The following POLN variants were observed in gnomAD, a reference collection of about 807,000 sequenced individuals.
POLN encodes DNA polymerase nu, also known as DNA polymerase N.
In POLN, 108 loss-of-function variants were observed where a neutral mutation model predicts 113.5. The ratio of observed to expected loss-of-function variants is 0.95; its 90% confidence interval spans 0.81 to 1.12. The LOEUF is 1.12. Ranked by LOEUF, POLN falls within the 50% of genes most tolerant of loss-of-function variation. POLN has a pLI of 0.00. For missense variants in POLN, 1,097 were observed against 1,077.1 expected (o/e 1.02, Z -0.26); for synonymous variants, 386 against 391.5 (o/e 0.99, Z 0.17).
chr4:2,081,045 C>T lies in POLN; in HGVS notation c.2309-9G>A, dbSNP rs373830336. 4.3e-5 allele frequency: 70 copies of T among 1,613,364 alleles called. 1 individual carries two copies. Among genetic ancestry groups the T allele is most frequent in the East Asian group, 1.3e-4 (6 of 44,890 alleles). On this transcript the variant is annotated splice_polypyrimidine_tract_variant and intron_variant, in intron 22 of 25. Transcript: ENST00000511885. ...GAGGTCAGCAGCGGAGCCTATGGGG[C>T]GCGTGGTACTGTCTTGAGGTCCCAT...
chr4:2,127,449 T>C lies in POLN; in HGVS notation c.1982+664A>G, dbSNP rs1731611416. On this transcript the variant is annotated intron_variant, in intron 19 of 25. Coordinates refer to ENST00000511885, the MANE Select transcript of POLN (RefSeq NM_181808.4). The surrounding 1 kb of genome is among the most constrained non-coding windows in gnomAD (Gnocchi z 4.7). ...CTGCTCTAGAAAGTGGGTATAGCTG[T>C]TGTCTGCACCGGGCTCTCCAAGAGC... is the stretch of plus-strand genomic sequence containing the variant. Among the ~76,000 whole-genome samples the C allele has an allele frequency of 6.6e-6, 1 of 152,004 alleles. No homozygotes were observed. Among genetic ancestry groups the C allele is most frequent in the South Asian group, 2.1e-4 (1 of 4,818 alleles).
intron 6 of POLN, 108 bp from the exon 7 acceptor site, chr4:2,193,424 C>T (rs10011749): frequency 0.16 from 104,163 of 636,040 alleles, 14,201 homozygotes; most frequent in African/African-American, 0.54. Flanking sequence ...ATAGCACATA[C>T]ACACATTCAC....
intron 16 of POLN, among the ~76,000 whole-genome samples, chr4:2,140,365 C>T (rs1228827723): frequency 6.6e-6 from 1 of 152,210 alleles, no homozygotes; most frequent in East Asian, 1.9e-4. Context: ...GTGTGAGCCA[C>T]CGTGCCTGGC....
rs1731192457 is a variant in POLN, at chr4:2,111,482, T to C, written c.1983-15549A>G. 5.9e-5 allele frequency among the ~76,000 whole-genome samples: 9 copies of C among 152,330 alleles called. No homozygotes were observed. The South Asian group carries it at 1.9e-3, about 32-fold the overall frequency. On this transcript the variant is annotated intron_variant, in intron 19 of 25. Transcript: ENST00000511885. ...TTTGCAGATGACATGATTGTATATC[T>C]AGAAAACCCCATCGTCTCAGCCCAA...
At chr4:2,081,218 T>C (rs2108689433) in intron 22 of POLN, 182 bp from the exon 23 acceptor site, 3 of 1,548,272 alleles carry the variant, frequency 1.9e-6, no homozygotes, top group Non-Finnish European at 1.7e-6. Context: ...CCTCCCGCCC[T>C]CTTGCTCCTG....
chr4:2,092,725 G>A (rs1730697814), intron 20 of POLN, among the ~76,000 whole-genome samples: 1 of 152,228 alleles, frequency 6.6e-6, no homozygotes. Flanking sequence ...TTTGTGGGCC[G>A]TTCAGAGGTA....
At position 2,146,267 on chromosome 4, in the gene POLN, C is replaced by T. The variant is rs988785030; in HGVS notation, c.1731+10521G>A. Among the ~76,000 whole-genome samples, 5 of 151,480 alleles carry T rather than the reference C, an allele frequency of 3.3e-5. No homozygotes were observed. In the South Asian group the frequency reaches 6.3e-4, roughly 19 times the overall value. ...ACACCTGTAATCCCAGCACTTTGGG[C>T]GGCCGAGGCAGGCGGATCACCTGAG... On this transcript the variant is annotated intron_variant, in intron 16 of 25. Coordinates refer to ENST00000511885, the MANE Select transcript of POLN (RefSeq NM_181808.4).
At chr4:2,195,743 C>T (rs1200246346) in intron 6 of POLN, among the ~76,000 whole-genome samples, 1 of 152,124 alleles carries the variant, frequency 6.6e-6, no homozygotes, top group African/African-American at 2.4e-5. Context: ...TCAGCCTGAG[C>T]CACTGTTCCT....
intron 13 of POLN, among the ~76,000 whole-genome samples, chr4:2,168,525 G>T (rs930442783): frequency 6.6e-6 from 1 of 152,354 alleles, no homozygotes; most frequent in South Asian, 2.1e-4. Context: ...TGAGCTCCTC[G>T]TGAAAGCTGT....
intron 19 of POLN, among the ~76,000 whole-genome samples, chr4:2,116,224 G>A (rs1731314104): frequency 6.6e-6 from 1 of 152,188 alleles, no homozygotes; most frequent in Admixed American, 6.5e-5. Flanking sequence ...ATGTGCTCTG[G>A]AGCTGGGGCT....
chr4:2,131,830 C>A (rs1731734524), intron 16 of POLN, among the ~76,000 whole-genome samples: 1 of 152,182 alleles, frequency 6.6e-6, no homozygotes, highest in African/African-American at 2.4e-5. Flanking sequence ...CACACTTTTA[C>A]AACTTGGGCA....
chr4:2,211,079 C>T (rs1214654408), intron 4 of POLN, among the ~76,000 whole-genome samples: 2 of 149,370 alleles, frequency 1.3e-5, no homozygotes, highest in East Asian at 2.0e-4. Flanking sequence ...GGTGAAACCC[C>T]ATCTCTATTA....
chr4:2,097,903 AT>A (rs920188157), intron 19 of POLN, among the ~76,000 whole-genome samples: 29 of 152,210 alleles, frequency 1.9e-4, no homozygotes, highest in Middle Eastern at 3.4e-3. Context: ...GTTTTGTTAG[AT>A]TTTTCAATGT....
intron 7 of POLN, among the ~76,000 whole-genome samples, chr4:2,183,033 G>A (rs1733182685): frequency 6.6e-6 from 1 of 152,108 alleles, no homozygotes; most frequent in African/African-American, 2.4e-5. Flanking sequence ...AGATATAAAA[G>A]TGGCCAATAA....
At chr4:2,171,021 T>C (rs1732847757) in intron 12 of POLN, 77 bp downstream of exon 12, 4 of 1,310,512 alleles carry the variant, frequency 3.1e-6, no homozygotes, top group Admixed American at 4.2e-5. Context: ...AAATAATACT[T>C]ATAAATTCAA....
At chr4:2,236,819 C>T (rs867951483) in intron 2 of POLN, among the ~76,000 whole-genome samples, 4 of 151,552 alleles carry the variant, frequency 2.6e-5, no homozygotes, top group Middle Eastern at 6.8e-3. Context: ...ACCCAGATTG[C>T]GCCACTGCAC....
intron 13 of POLN, among the ~76,000 whole-genome samples, chr4:2,162,196 CT>C (rs1265176368): frequency 6.6e-6 from 1 of 152,176 alleles, no homozygotes; most frequent in Non-Finnish European, 1.5e-5. Flanking sequence ...GTCCACACTA[CT>C]TTTATGAGCT....
intron 5 of POLN, among the ~76,000 whole-genome samples, chr4:2,200,343 A>G (rs1318808268): frequency 2.0e-5 from 3 of 152,220 alleles, no homozygotes; most frequent in South Asian, 2.1e-4. Context: ...TGCAGCTCCC[A>G]CTGGGACAGA....
At chr4:2,085,444 C>T (rs374014727) in intron 21 of POLN, among the ~76,000 whole-genome samples, 169 bp downstream of exon 21, 1 of 152,190 alleles carries the variant, frequency 6.6e-6, no homozygotes, top group East Asian at 1.9e-4. Context: ...TGTCCCTTCT[C>T]GTGTGGAACC....
Sources: allele counts gnomAD v4.1 joint callset (sites outside exome capture counted in the v4.1 genomes callset), GRCh38; gene constraint gnomAD v4.1.1; non-coding constraint Gnocchi (gnomAD v3.1); transcripts MANE v1.5; gene names NCBI Gene and HGNC (gene_info 2026-07-23, HGNC 2026-07-21).